DGKB: variants seen among roughly 807,000 people sequenced by gnomAD.
DGKB encodes the protein 90 kDa diacylglycerol kinase.
DGKB carries 67 observed loss-of-function variants against 114.3 expected under a neutral mutation model. That is an observed-to-expected ratio of 0.59 (90% CI 0.48 to 0.72). DGKB has a LOEUF of 0.72. Among genes scored for constraint, DGKB ranks in the 30% least tolerant of loss-of-function variants. The probability of loss-of-function intolerance (pLI) is 0.00; values close to 1 mark genes in which losing one functional copy is unlikely to be tolerated. For missense variants in DGKB, 907 were observed against 975.2 expected (o/e 0.93, Z 0.93); for synonymous variants, 398 against 323.1 (o/e 1.23, Z -2.49).
chr7:14,324,419 C>A (rs1465845957), intron 23 of DGKB, among the ~76,000 whole-genome samples: 1 of 148,532 alleles, frequency 6.7e-6, no homozygotes, highest in Non-Finnish European at 1.5e-5. Flanking sequence ...CGCACTCCAG[C>A]CTGGGTGACA....
At chr7:14,656,733 C>T (rs1441374197) in intron 13 of DGKB, among the ~76,000 whole-genome samples, 1 of 125,908 alleles carries the variant, frequency 7.9e-6, no homozygotes, top group African/African-American at 3.1e-5. Flanking sequence ...GATATATATA[C>T]AGTATATATA....
chr7:14,299,117 C>T lies in DGKB; in HGVS notation c.2122+39398G>A, dbSNP rs534479107. On this transcript the variant is annotated intron_variant, in intron 23 of 25. Transcript: ENST00000402815. The stretch of plus-strand genomic sequence containing the variant: ...GTGGGAGTGTAAATTTGTTCCAATA[C>T]TTTAATGTTATTTTATATAATAGTA... Among the ~76,000 whole-genome samples the T allele has an allele frequency of 5.3e-5, 8 of 151,890 alleles. No homozygotes were observed. In the East Asian group the frequency reaches 1.4e-3, roughly 26 times the overall value.
At chr7:14,202,518 G>A (rs1275444018) in intron 23 of DGKB, among the ~76,000 whole-genome samples, 2 of 151,844 alleles carry the variant, frequency 1.3e-5, no homozygotes, top group Non-Finnish European at 2.9e-5. Flanking sequence ...CAAGAAAACT[G>A]TTAATTTCAT....
At chr7:14,924,566 T>C (rs1246190073) in intron 1 of DGKB, among the ~76,000 whole-genome samples, 1 of 152,182 alleles carries the variant, frequency 6.6e-6, no homozygotes, top group Non-Finnish European at 1.5e-5. Flanking sequence ...GCTGCATTCT[T>C]GATGACTTGG....
chr7:14,703,781 C>A (rs1825644351), intron 6 of DGKB, among the ~76,000 whole-genome samples: 1 of 152,108 alleles, frequency 6.6e-6, no homozygotes, highest in Admixed American at 6.6e-5. Flanking sequence ...TCTACCTCTC[C>A]CAGTGATTCT....
Position 14,890,872 on chromosome 7 carries a change from GAA to G in DGKB, c.-188+11718_-188+11719del, listed in dbSNP as rs71548099. Among the ~76,000 whole-genome samples the G allele has an allele frequency of 5.7e-4, 81 of 143,118 alleles. No individual in the cohort carries two copies. The South Asian group carries it at 8.0e-3, about 14-fold the overall frequency. The allele number at this position is 143,118 out of a possible 152,430, so 93.9% of individuals were successfully genotyped here. ...GACCAATTCACAGAATGCCACAAAT[GAA>G]AAAAAAAAAAATCCCTAAATCTAAC... is the stretch of plus-strand genomic sequence containing the variant. On this transcript the variant is annotated intron_variant, in intron 1 of 25. Coordinates refer to ENST00000402815, the MANE Select transcript of DGKB (RefSeq NM_001350709.2).
intron 1 of DGKB, among the ~76,000 whole-genome samples, chr7:14,949,876 C>A (rs1296900811): frequency 6.6e-6 from 1 of 151,632 alleles, no homozygotes; most frequent in Non-Finnish European, 1.5e-5. Flanking sequence ...ACTGCATGTT[C>A]TCACTCATAG....
intron 1 of DGKB, among the ~76,000 whole-genome samples, chr7:14,860,362 T>C (rs1389387360): frequency 6.6e-6 from 1 of 152,078 alleles, no homozygotes; most frequent in African/African-American, 2.4e-5. Context: ...TTAGATCAAA[T>C]TTGAATTTTG....
chr7:14,926,608 T>G (rs957386131), intron 1 of DGKB, among the ~76,000 whole-genome samples: 2 of 151,702 alleles, frequency 1.3e-5, no homozygotes, highest in Non-Finnish European at 2.9e-5. Context: ...TTTGGTTTGT[T>G]TTTACAAATT....
At position 14,874,514 on chromosome 7, in the gene DGKB, G is replaced by C. The variant is rs558901671; in HGVS notation, c.-188+28078C>G. Among the ~76,000 whole-genome samples, 6 of 151,944 alleles carry C rather than the reference G, an allele frequency of 3.9e-5. No individual in the cohort carries two copies. The South Asian group carries it at 1.2e-3, about 32-fold the overall frequency. ...ATCTTACGAGATTATAGTGAGGAAA[G>C]TCCACTACAATATTTTACAAAGCAC... On this transcript the variant is annotated intron_variant, in intron 1 of 25. Coordinates refer to ENST00000402815, the MANE Select transcript of DGKB (RefSeq NM_001350709.2).
intron 20 of DGKB, among the ~76,000 whole-genome samples, chr7:14,568,007 T>A (rs1386721429): frequency 6.6e-6 from 1 of 152,172 alleles, no homozygotes; most frequent in Admixed American, 6.5e-5. Flanking sequence ...AAGAAACAAC[T>A]ATGGAAATTA....
At chr7:14,883,436 C>A (rs957818456) in intron 1 of DGKB, among the ~76,000 whole-genome samples, 1 of 151,780 alleles carries the variant, frequency 6.6e-6, no homozygotes, top group South Asian at 2.1e-4. Context: ...CACATTGTAA[C>A]ACAAAATATG....
intron 20 of DGKB, among the ~76,000 whole-genome samples, chr7:14,514,077 C>A (rs1788393280): frequency 6.6e-6 from 1 of 151,820 alleles, no homozygotes; most frequent in Non-Finnish European, 1.5e-5. Context: ...TATAAAATGC[C>A]AATGGAAACC....
At chr7:14,789,353 T>C (rs1840338314) in intron 2 of DGKB, among the ~76,000 whole-genome samples, 1 of 152,188 alleles carries the variant, frequency 6.6e-6, no homozygotes, top group African/African-American at 2.4e-5. Context: ...CATTCATCTG[T>C]TCTTCATTTC....
At chr7:14,230,794 C>G (rs1201429231) in intron 23 of DGKB, among the ~76,000 whole-genome samples, 3 of 152,016 alleles carry the variant, frequency 2.0e-5, no homozygotes, top group African/African-American at 7.2e-5. Context: ...AATCTTTATA[C>G]ACATTACTAC....
At chr7:14,897,529 C>T (rs1296085674) in intron 1 of DGKB, among the ~76,000 whole-genome samples, 1 of 151,902 alleles carries the variant, frequency 6.6e-6, no homozygotes, top group East Asian at 1.9e-4. Context: ...AAGAGCAAAA[C>T]ATCTTTGATG....
intron 17 of DGKB, among the ~76,000 whole-genome samples, chr7:14,606,267 T>C (rs146724654): frequency 6.6e-6 from 1 of 152,156 alleles, no homozygotes; most frequent in Non-Finnish European, 1.5e-5. Context: ...ATCATGATCC[T>C]CTAGATTCTG....
chr7:14,267,427 C>G (rs890476253), intron 23 of DGKB, among the ~76,000 whole-genome samples: 1 of 151,854 alleles, frequency 6.6e-6, no homozygotes, highest in Non-Finnish European at 1.5e-5. Flanking sequence ...ATGACTAGCC[C>G]AATTGCTGGC....
intron 2 of DGKB, among the ~76,000 whole-genome samples, chr7:14,819,799 T>A (rs949495203): frequency 6.6e-6 from 1 of 152,062 alleles, no homozygotes; most frequent in Non-Finnish European, 1.5e-5. Context: ...ATACCATATA[T>A]CTTTAAGAGT....
Sources: allele counts gnomAD v4.1 joint callset (sites outside exome capture counted in the v4.1 genomes callset), GRCh38; gene constraint gnomAD v4.1.1; transcripts MANE v1.5; gene names NCBI Gene and HGNC (gene_info 2026-07-23, HGNC 2026-07-21).